Variants in ATG7 observed in about 807,000 individuals in gnomAD.
ATG7 encodes the protein ubiquitin-like modifier-activating enzyme ATG7.
A neutral mutation model predicts 82.4 loss-of-function variants in ATG7; 70 were observed. The observed-to-expected ratio is 0.85, with a 90% CI of 0.70 to 1.04. The LOEUF is 1.04. Among genes scored for constraint, ATG7 ranks in the 50% least tolerant of loss-of-function variants. ATG7 has a pLI of 0.00. For synonymous variants in ATG7, 287 were observed against 313.0 expected, an observed-to-expected ratio of 0.92 and a Z score of 0.88; for missense variants, 792 against 864.3, an observed-to-expected ratio of 0.92 and a Z score of 1.05.
intron 18 of ATG7, among the ~76,000 whole-genome samples, chr3:11,375,502 A>AC (rs1179322975): frequency 1.3e-5 from 2 of 152,214 alleles, no homozygotes; most frequent in African/African-American, 4.8e-5. Flanking sequence ...AGAGACAACA[A>AC]CAGGTGTTGA....
intron 20 of ATG7, among the ~76,000 whole-genome samples, chr3:11,456,103 G>T (rs1448099102): frequency 6.6e-6 from 1 of 151,938 alleles, no homozygotes; most frequent in Non-Finnish European, 1.5e-5. Flanking sequence ...ACCCCCAAAG[G>T]AAACCCTGCT....
intron 20 of ATG7, among the ~76,000 whole-genome samples, chr3:11,512,480 G>A (rs1384766400): frequency 1.3e-5 from 2 of 152,228 alleles, no homozygotes; most frequent in African/African-American, 4.8e-5. Context: ...GAAATCAAAT[G>A]AGGTAATGTA....
chr3:11,288,325 G>A (rs1342373555), intron 3 of ATG7, among the ~76,000 whole-genome samples: 2 of 152,142 alleles, frequency 1.3e-5, no homozygotes, highest in South Asian at 2.1e-4. Flanking sequence ...CCCTTTGTGC[G>A]AAAAGAGAGC....
chr3:11,558,883 C>A, downstream of ATG7: 1 of 1,584,132 alleles, frequency 6.3e-7, no homozygotes, highest in Non-Finnish European at 8.6e-7. Context: ...GACAGACAGG[C>A]ACGGTTGCAG....
Position 11,364,879 on chromosome 3 carries a change from C to T in ATG7, c.1875+145C>T, listed in dbSNP as rs75390140. 2.4e-5 allele frequency: 19 copies of T among 786,130 alleles called. No homozygotes were observed. In the African/African-American group the frequency reaches 3.1e-4, roughly 13 times the overall value. The allele number at this position is 786,130 out of a possible 1,614,324, so 48.7% of individuals were successfully genotyped here. A position where few individuals can be genotyped will look rare whatever the true frequency, so the allele number is the denominator to read the frequency against. ...GATTTCAATGGGAGAGCTTTCTGAC[C>T]ACCTGGAAGGTATTCCATTCTGCGG... On this transcript the variant is annotated intron_variant, in intron 18 of 20. Coordinates refer to ENST00000693202, the MANE Select transcript of ATG7 (RefSeq NM_001349232.2).
chr3:11,523,473 T>C (rs533828310), intron 20 of ATG7, among the ~76,000 whole-genome samples: 1 of 152,358 alleles, frequency 6.6e-6, no homozygotes, highest in South Asian at 2.1e-4. Context: ...GGACAACCCA[T>C]TCTTCCTTTA....
chr3:11,373,331 G>A (rs760518862), intron 18 of ATG7, among the ~76,000 whole-genome samples: 1 of 152,248 alleles, frequency 6.6e-6, no homozygotes, highest in Non-Finnish European at 1.5e-5. Flanking sequence ...TAGAAAATGC[G>A]CAAAGAATTA....
chr3:11,500,295 A>C (rs1289555552), intron 20 of ATG7, among the ~76,000 whole-genome samples: 1 of 152,222 alleles, frequency 6.6e-6, no homozygotes, highest in Non-Finnish European at 1.5e-5. Context: ...TGGAGACATA[A>C]AACTGCTGTT....
intron 9 of ATG7, among the ~76,000 whole-genome samples, chr3:11,317,227 A>C (rs1176545659): frequency 6.6e-6 from 1 of 152,154 alleles, no homozygotes; most frequent in East Asian, 1.9e-4. Context: ...ACCACAGCTA[A>C]ATTAGTATAG....
chr3:11,508,186 T>A (rs183160511), intron 20 of ATG7, among the ~76,000 whole-genome samples: 2 of 152,182 alleles, frequency 1.3e-5, no homozygotes, highest in African/African-American at 4.8e-5. Context: ...TCTTACTAGC[T>A]ATGGACAGGC....
At chr3:11,322,079 C>T (rs751336744) in intron 9 of ATG7, among the ~76,000 whole-genome samples, 7 of 152,258 alleles carry the variant, frequency 4.6e-5, no homozygotes, top group East Asian at 1.9e-4. Flanking sequence ...AAAGCAAATG[C>T]GCCTGTGATT....
At chr3:11,518,971 T>C (rs1559790491) in intron 20 of ATG7, among the ~76,000 whole-genome samples, 1 of 152,136 alleles carries the variant, frequency 6.6e-6, no homozygotes, top group Non-Finnish European at 1.5e-5. Flanking sequence ...ATAAAAATTT[T>C]CATCAAGATT....
At chr3:11,495,265 G>A (rs150137241) in intron 20 of ATG7, among the ~76,000 whole-genome samples, 293 of 152,296 alleles carry the variant, frequency 1.9e-3, no homozygotes, top group African/African-American at 6.4e-3. Context: ...TAAGGATCAT[G>A]GGATGAATGA....
chr3:11,298,572 T>TAAACATCTC (rs1946305718), intron 3 of ATG7, 114 bp from the exon 4 acceptor site: 1 of 1,024,024 alleles, frequency 9.8e-7, no homozygotes, highest in Admixed American at 2.4e-5. Context: ...AGGTAGCCTG[T>TAAACATCTC]AAACATCTCA....
intron 11 of ATG7, among the ~76,000 whole-genome samples, chr3:11,336,368 A>G (rs868609946): frequency 3.3e-5 from 5 of 152,100 alleles, no homozygotes; most frequent in African/African-American, 7.2e-5. Flanking sequence ...CACACCGTAC[A>G]TTTCCATTTG....
intron 9 of ATG7, among the ~76,000 whole-genome samples, chr3:11,321,067 G>A (rs1006329579): frequency 6.6e-6 from 1 of 152,210 alleles, no homozygotes; most frequent in Non-Finnish European, 1.5e-5. Flanking sequence ...GGAGTAGGGT[G>A]CAGATGCGTA....
chr3:11,519,177 A>AT (rs932115722), intron 20 of ATG7, among the ~76,000 whole-genome samples: 32 of 151,710 alleles, frequency 2.1e-4, no homozygotes, highest in African/African-American at 4.6e-4. Flanking sequence ...TTAAAAAACA[A>AT]TTTTTTTTTA....
At chr3:11,364,771 T>C in intron 18 of ATG7, 37 bp downstream of exon 18, 2 of 1,607,806 alleles carry the variant, frequency 1.2e-6, no homozygotes, top group Non-Finnish European at 1.7e-6. Context: ...ATTCTTTTGG[T>C]ACAGGGGGAA....
chr3:11,304,691 G>T (rs376737025), intron 5 of ATG7: 2 of 152,224 alleles, frequency 1.3e-5, no homozygotes, highest in South Asian at 2.1e-4. Context: ...TGAAGTGAAG[G>T]CCAAGTGTCT....
Sources: gnomAD v4.1 joint callset for allele counts (sites outside exome capture counted in the v4.1 genomes callset) on GRCh38, gnomAD v4.1.1 for gene constraint, MANE v1.5 for transcripts, NCBI Gene and HGNC (gene_info 2026-07-23, HGNC 2026-07-21) for gene names.